The following PADI4 variants were observed in gnomAD, a reference collection of about 807,000 sequenced individuals.
PADI4 encodes the protein protein-arginine deiminase type-4.
PADI4 carries 62 observed loss-of-function variants against 75.0 expected under a neutral mutation model. The observed-to-expected ratio is 0.83, with a 90% CI of 0.67 to 1.02. The LOEUF is 1.02. PADI4 is among the 50% of genes least tolerant of loss of function. PADI4 has a pLI of 0.00. For missense variants in PADI4, 845 were observed against 850.5 expected (o/e 0.99, Z 0.08); for synonymous variants, 361 against 348.1 (o/e 1.04, Z -0.41).
Position 17,342,406 on chromosome 1 carries a change from A to C in PADI4, c.935+4A>C. The C allele has an allele frequency of 3.1e-6, 5 of 1,593,410 alleles. No individual in the cohort carries two copies. The highest frequency in any genetic ancestry group is 4.3e-6 in the Non-Finnish European group (5 of 1,161,426). Reference sequence around the variant, plus strand: ...CGCAGGAGGTGTACGCGTGCAGGTGAGAGGTCCTGGGGTGCTGGGGTGGGT... The same window carrying C: ...CGCAGGAGGTGTACGCGTGCAGGTGCGAGGTCCTGGGGTGCTGGGGTGGGT... On this transcript the variant is annotated splice_donor_region_variant and intron_variant, in intron 8 of 15. Coordinates refer to ENST00000375448, the MANE Select transcript of PADI4 (RefSeq NM_012387.3).
At chr1:17,345,393 C>T (rs1406569226) in intron 8 of PADI4, among the ~76,000 whole-genome samples, 1 of 152,204 alleles carries the variant, frequency 6.6e-6, no homozygotes, top group Admixed American at 6.5e-5. Context: ...TGAGTTAAGA[C>T]TTTGGGGGAC....
At chr1:17,355,056 G>A (rs138314386) in intron 11 of PADI4, among the ~76,000 whole-genome samples, 4 of 152,168 alleles carry the variant, frequency 2.6e-5, no homozygotes, top group Non-Finnish European at 5.9e-5. Flanking sequence ...AAAGAGAGGG[G>A]CACGGGAGGA....
intron 1 of PADI4, among the ~76,000 whole-genome samples, chr1:17,322,565 C>A (rs922039131): frequency 6.6e-6 from 1 of 151,972 alleles, no homozygotes; most frequent in South Asian, 2.1e-4. Flanking sequence ...GGGTAAAGAT[C>A]TTTGGGGCCC....
intron 1 of PADI4, among the ~76,000 whole-genome samples, chr1:17,325,227 T>A (rs11203362): frequency 6.6e-6 from 1 of 151,984 alleles, no homozygotes; most frequent in Non-Finnish European, 1.5e-5. Context: ...ACCATATACA[T>A]AGTATTTCTA....
Position 17,359,294 on chromosome 1 carries a change from G to T in PADI4, c.1644G>T (p.Trp548Cys). 1 of 1,612,890 alleles carries T rather than the reference G, an allele frequency of 6.2e-7. No homozygotes were observed. Among genetic ancestry groups the T allele is most frequent in the Non-Finnish European group, 8.5e-7 (1 of 1,179,844 alleles). Reference sequence around the variant, plus strand: ...CCTTCCCCAAGAGATGCATCGACTGGAACCGCGAGCTGCTGAAGCGGGAGC... The same window carrying T: ...CCTTCCCCAAGAGATGCATCGACTGTAACCGCGAGCTGCTGAAGCGGGAGC... Reference protein sequence around the residue: ...HNSFVERCIDWNRELLKRELG... With the variant: ...HNSFVERCIDCNRELLKRELG... The change falls in exon 15 of 16, where the codon TGG becomes TGT. Residue 548 changes from tryptophan (W) to cysteine (C), a missense_variant. Physicochemically the swap from Trp to Cys is radical, Grantham distance 215. Coordinates refer to ENST00000375448, the MANE Select transcript of PADI4 (RefSeq NM_012387.3).
chr1:17,340,105 AG>A (rs2074391576), intron 6 of PADI4, among the ~76,000 whole-genome samples: 1 of 151,698 alleles, frequency 6.6e-6, no homozygotes, highest in Non-Finnish European at 1.5e-5. Context: ...TTTGAGTGCA[AG>A]CTGACAGCAT....
In PADI4 at chr1:17,342,127, C is replaced by T. The variant is rs1174022866; in HGVS notation, c.831+6C>T. 7 of 1,612,806 alleles carry T rather than the reference C, an allele frequency of 4.3e-6. No homozygotes were observed. The highest frequency in any genetic ancestry group is 5.9e-6 in the Non-Finnish European group (7 of 1,179,194). On this transcript the variant is annotated splice_donor_region_variant and intron_variant, in intron 7 of 15. Transcript: ENST00000375448. The stretch of plus-strand genomic sequence containing the variant: ...TGCTGGACACGTCCAACCTGGTAGG[C>T]CGAGAAGGCAGCCCTGCATCGGGGG...
intron 1 of PADI4, among the ~76,000 whole-genome samples, chr1:17,310,549 C>T (rs745592512): frequency 1.3e-5 from 2 of 152,186 alleles, no homozygotes; most frequent in East Asian, 1.9e-4. Context: ...GTCAGGAACC[C>T]GGGAGGCAGA....
Position 17,324,150 on chromosome 1 carries a change from TTTTTG to T in PADI4, c.93-6814_93-6810del, listed in dbSNP as rs1196402917. Among the ~76,000 whole-genome samples, 21 of 142,906 alleles carry T rather than the reference TTTTTG, an allele frequency of 1.5e-4. 1 individual carries two copies. The highest frequency in any genetic ancestry group is 4.9e-4 in the African/African-American group (18 of 36,688). The allele number at this position is 142,906 out of a possible 152,430, so 93.8% of individuals were successfully genotyped here. On this transcript the variant is annotated intron_variant, in intron 1 of 15. Coordinates refer to ENST00000375448, the MANE Select transcript of PADI4 (RefSeq NM_012387.3). ...TGGCTAATAACACCAAGTTGGGTTT[TTTTTG>T]TTTTTTTTTTTTTGCAAAATGGTTA...
At chr1:17,348,115 T>G in intron 10 of PADI4, 67 bp downstream of exon 10, 1 of 1,016,074 alleles carries the variant, frequency 9.8e-7, no homozygotes, top group Non-Finnish European at 1.5e-6. Flanking sequence ...TCCCTCCTTT[T>G]AGCCTGCCTT....
chr1:17,334,224 G>C (rs529149140), intron 3 of PADI4: 2 of 562,470 alleles, frequency 3.6e-6, no homozygotes, highest in Non-Finnish European at 6.6e-6. Flanking sequence ...GTGGTGGTGC[G>C]GGGAATTTTA....
chr1:17,309,775 A>G (rs1418223402), intron 1 of PADI4, among the ~76,000 whole-genome samples: 4 of 152,236 alleles, frequency 2.6e-5, no homozygotes, highest in Non-Finnish European at 1.5e-5. Context: ...GCAGGAGACC[A>G]AGAAGTTGGG....
chr1:17,342,625 G>T (rs1474805548), intron 8 of PADI4, among the ~76,000 whole-genome samples: 2 of 152,198 alleles, frequency 1.3e-5, no homozygotes, highest in Non-Finnish European at 2.9e-5. Context: ...CCAGGGGCCT[G>T]TAGAGTGTGT....
intron 2 of PADI4, among the ~76,000 whole-genome samples, chr1:17,332,004 G>A (rs1291243912): frequency 2.0e-5 from 3 of 152,326 alleles, no homozygotes; most frequent in Non-Finnish European, 4.4e-5. Flanking sequence ...AGAAGTCTGA[G>A]GTCAAGGTGC....
intron 3 of PADI4, 138 bp from the exon 4 acceptor site, chr1:17,336,021 C>A (rs748000546): frequency 2.9e-5 from 19 of 645,444 alleles, no homozygotes; most frequent in Non-Finnish European, 5.4e-5. Context: ...CCTGTGTCTC[C>A]TCTGAAGGAC....
At chr1:17,312,785 C>T (rs1441373326) in intron 1 of PADI4, among the ~76,000 whole-genome samples, 1 of 151,042 alleles carries the variant, frequency 6.6e-6, no homozygotes, top group African/African-American at 2.4e-5. Context: ...TTCAACAGAA[C>T]TGGTTCACGG....
intron 10 of PADI4, among the ~76,000 whole-genome samples, chr1:17,349,702 C>CAAAA (rs199868632): frequency 2.5e-5 from 2 of 79,070 alleles, no homozygotes; most frequent in African/African-American, 3.6e-5. Flanking sequence ...AAGACTGTAT[C>CAAAA]AAAAAAAAAA....
intron 13 of PADI4, among the ~76,000 whole-genome samples, chr1:17,357,645 A>C (rs1468916214): frequency 6.6e-6 from 1 of 152,126 alleles, no homozygotes; most frequent in Non-Finnish European, 1.5e-5. Context: ...AAAATACACT[A>C]AACTAGGCTG....
chr1:17,333,635 C>T (rs1158167326), intron 2 of PADI4, among the ~76,000 whole-genome samples: 1 of 151,854 alleles, frequency 6.6e-6, no homozygotes, highest in East Asian at 1.9e-4. Context: ...TCTGCCCCAT[C>T]TCCAGCTGCT....
Sources: gnomAD v4.1 joint callset for allele counts (sites outside exome capture counted in the v4.1 genomes callset) on GRCh38, gnomAD v4.1.1 for gene constraint, MANE v1.5 for transcripts, NCBI Gene and HGNC (gene_info 2026-07-23, HGNC 2026-07-21) for gene names.